Variants in DOCK5 observed in about 807,000 individuals in gnomAD.
DOCK5 encodes dedicator of cytokinesis 5.
A neutral mutation model predicts 251.8 loss-of-function variants in DOCK5; 142 were observed. The observed-to-expected ratio is 0.56, with a 90% confidence interval of 0.49 to 0.65. The LOEUF (loss-of-function observed/expected upper bound fraction) is 0.65. Among genes scored for constraint, DOCK5 ranks in the 30% least tolerant of loss-of-function variants. DOCK5 has a pLI of 0.00. For synonymous variants in DOCK5, 842 were observed against 835.5 expected (o/e 1.01, Z -0.13); for missense variants, 2,111 against 2,312.3 (o/e 0.91, Z 1.79).
At chr8:25,273,399 A>G (rs1586284932) in intron 3 of DOCK5, among the ~76,000 whole-genome samples, 1 of 152,142 alleles carries the variant, frequency 6.6e-6, no homozygotes, top group African/African-American at 2.4e-5. Flanking sequence ...AGAGTTGAAG[A>G]CCAGCCTGGC....
chr8:25,332,875 C>T (rs1193243305), intron 20 of DOCK5, among the ~76,000 whole-genome samples, 183 bp downstream of exon 20: 1 of 152,110 alleles, frequency 6.6e-6, no homozygotes, highest in Non-Finnish European at 1.5e-5. Context: ...TATTTCAGGC[C>T]TTTGTTTGTT....
At chr8:25,359,093 A>G in intron 28 of DOCK5, 32 bp downstream of exon 28, 1 of 1,582,202 alleles carries the variant, frequency 6.3e-7, no homozygotes, top group African/African-American at 1.3e-5. Flanking sequence ...TGGTAACCTG[A>G]AGACTTCTTA....
At position 25,332,687 on chromosome 8, in the gene DOCK5, G is replaced by T. The variant is rs994166763; in HGVS notation, c.2086G>T (p.Ala696Ser). ...AACCTATGACTTCCTTGTGTTTGAC[G>T]CACTGGTAAGCAGTTAAACATATTA... is the stretch of plus-strand genomic sequence containing the variant. ...SETYDFLVFD[A>S]LVFIISLIGD... The change falls in exon 20 of 52, where the codon GCA (alanine) becomes TCA (serine). Residue 696 changes from alanine to serine, a missense_variant. Transcript: ENST00000276440. 2 of 1,608,254 alleles carry T rather than the reference G, an allele frequency of 1.2e-6. No individual in the cohort carries two copies. The highest frequency in any genetic ancestry group is 2.2e-5 in the East Asian group (1 of 44,748).
chr8:25,189,548 A>T (rs1801523072), intron 1 of DOCK5, among the ~76,000 whole-genome samples: 1 of 152,022 alleles, frequency 6.6e-6, no homozygotes, highest in African/African-American at 2.4e-5. Flanking sequence ...TTTTGTAGGG[A>T]TGGAGTTTCA....
intron 1 of DOCK5, among the ~76,000 whole-genome samples, chr8:25,217,355 G>A (rs1450638524): frequency 6.6e-6 from 1 of 151,872 alleles, no homozygotes; most frequent in African/African-American, 2.4e-5. Context: ...TTATACTGAT[G>A]ATCTCTGGAC....
chr8:25,299,703 A>G (rs1804710545), intron 8 of DOCK5, among the ~76,000 whole-genome samples: 1 of 152,176 alleles, frequency 6.6e-6, no homozygotes, highest in Non-Finnish European at 1.5e-5. Context: ...CTCTAAGAAA[A>G]TAATGTCTAT....
intron 30 of DOCK5, 95 bp downstream of exon 30, chr8:25,364,799 T>C: frequency 1.1e-6 from 1 of 913,866 alleles, no homozygotes; most frequent in Non-Finnish European, 1.7e-6. Context: ...TTTCACTGTT[T>C]TCACATGAAA....
intron 40 of DOCK5, among the ~76,000 whole-genome samples, chr8:25,388,216 T>C (rs1801198293): frequency 6.6e-6 from 1 of 152,224 alleles, no homozygotes; most frequent in African/African-American, 2.4e-5. Flanking sequence ...ATTCCTGTTG[T>C]CCAGCTGATC....
intron 16 of DOCK5, among the ~76,000 whole-genome samples, chr8:25,321,387 C>G (rs1189365108): frequency 1.3e-5 from 2 of 152,168 alleles, no homozygotes; most frequent in African/African-American, 2.4e-5. Context: ...CAGGGTAATT[C>G]AAGCACATTA....
At position 25,345,516 on chromosome 8, in the gene DOCK5, A is replaced by G. The variant is rs774940115; in HGVS notation, c.2659A>G (p.Ser887Gly). 1.9e-6 allele frequency: 3 copies of G among 1,613,942 alleles called. No homozygotes were observed. The highest frequency in any genetic ancestry group is 3.3e-5 in the Admixed American group (2 of 60,032). ...GCTGCCACTGCTGACAGACCAGCTCAGCGGCCAGTTAGATGACAACTCCAA... is the reference window on the plus strand; with the variant it reads ...GCTGCCACTGCTGACAGACCAGCTCGGCGGCCAGTTAGATGACAACTCCAA... ...VLLPLLTDQL[S>G]GQLDDNSNKP... Residue 887 changes from serine to glycine, a missense_variant, in exon 26 of 52, where the codon AGC (serine) becomes GGC (glycine). By Grantham distance (56) the Ser-to-Gly change is moderately conservative (BLOSUM62 0). This residue lies in a region of DOCK5 where 1,717 missense variants were observed against 1,892.4 expected (regional missense o/e 0.91). Transcript: ENST00000276440.
chr8:25,379,265 T>G (rs1801021692), intron 38 of DOCK5, among the ~76,000 whole-genome samples: 1 of 152,200 alleles, frequency 6.6e-6, no homozygotes, highest in Admixed American at 6.6e-5. Flanking sequence ...TTATTCTTCC[T>G]TATCTCAACT....
rs560475005 is a variant in DOCK5 at position 25,295,326 on chromosome 8, C to A, written c.471-1187C>A. On this transcript the variant is annotated intron_variant, in intron 6 of 51. Coordinates refer to ENST00000276440, the MANE Select transcript of DOCK5 (RefSeq NM_024940.8). ...GCATGGTAATATAAGCCTGTAGTCCCAGCTACTTGGAAGGCTGAGACAGGG... is the reference window on the plus strand; with the variant it reads ...GCATGGTAATATAAGCCTGTAGTCCAAGCTACTTGGAAGGCTGAGACAGGG... Among the ~76,000 whole-genome samples, 3 of 151,054 alleles carry A rather than the reference C, an allele frequency of 2.0e-5. No homozygotes were observed. In the East Asian group the frequency reaches 5.9e-4, roughly 30 times the overall value.
chr8:25,325,959 T>G (rs1274933698), intron 18 of DOCK5, among the ~76,000 whole-genome samples: 1 of 152,132 alleles, frequency 6.6e-6, no homozygotes, highest in Non-Finnish European at 1.5e-5. Flanking sequence ...ATGGCAGGGC[T>G]TCCTGTTTGA....
intron 25 of DOCK5, among the ~76,000 whole-genome samples, chr8:25,344,271 G>GTTT (rs1800317460): frequency 6.6e-6 from 1 of 152,212 alleles, no homozygotes; most frequent in South Asian, 2.1e-4. Context: ...TCCCAAAGCT[G>GTTT]ATATAAACAG....
At chr8:25,299,260 C>A (rs538706577) in intron 8 of DOCK5, 159 bp downstream of exon 8, 1 of 777,216 alleles carries the variant, frequency 1.3e-6, no homozygotes, top group African/African-American at 1.8e-5. Flanking sequence ...GTCTATGAAG[C>A]CTTCATATGT....
chr8:25,239,341 A>ATGTG (rs55869213), intron 1 of DOCK5, among the ~76,000 whole-genome samples: 24,418 of 142,098 alleles, frequency 0.17, 2,093 homozygotes, highest in Admixed American at 0.25. Flanking sequence ...GTGTGTGTGT[A>ATGTG]TGTGTGTGTG....
intron 13 of DOCK5, among the ~76,000 whole-genome samples, chr8:25,314,182 C>T (rs1452301251): frequency 6.3e-5 from 9 of 143,510 alleles, no homozygotes; most frequent in African/African-American, 2.3e-4. Flanking sequence ...GTGATGATAG[C>T]TCACTGTAAG....
At chr8:25,410,940 TGTGTGTG>T (rs1467837568) in intron 51 of DOCK5, among the ~76,000 whole-genome samples, 2 of 38,010 alleles carry the variant, frequency 5.3e-5, no homozygotes, top group Non-Finnish European at 9.8e-5. Context: ...AGAGAGAAAA[TGTGTGTG>T]TGTGTGTGTG....
intron 10 of DOCK5, among the ~76,000 whole-genome samples, chr8:25,303,496 G>A (rs1035385191): frequency 6.6e-6 from 1 of 152,134 alleles, no homozygotes; most frequent in Non-Finnish European, 1.5e-5. Context: ...CTGCTTAAAC[G>A]CCCAGCATCT....
Sources: gnomAD v4.1 joint callset for allele counts (sites outside exome capture counted in the v4.1 genomes callset) on GRCh38, gnomAD v4.1.1 for gene constraint, gnomAD v4.1.1 regional missense constraint, MANE v1.5 for transcripts, NCBI Gene and HGNC (gene_info 2026-07-23, HGNC 2026-07-21) for gene names.